CELF4: variants seen among roughly 807,000 people sequenced by gnomAD.
CELF4 encodes CUG-BP- and ETR-3-like factor 4.
Under a neutral mutation model 59.9 loss-of-function variants are expected in CELF4, and 18 were observed. The observed-to-expected ratio is 0.30, with a 90% CI of 0.21 to 0.45. The LOEUF is 0.45. Among genes scored for constraint, CELF4 ranks in the 20% least tolerant of loss-of-function variants. The pLI is 1.00. For missense variants in CELF4, 456 were observed against 689.0 expected, an observed-to-expected ratio of 0.66 and a Z score of 3.79; for synonymous variants, 261 against 267.1, an observed-to-expected ratio of 0.98 and a Z score of 0.22.
At chr18:37,529,667 C>T (rs539328565) in intron 1 of CELF4, among the ~76,000 whole-genome samples, 1 of 152,270 alleles carries the variant, frequency 6.6e-6, no homozygotes, top group Non-Finnish European at 1.5e-5. Flanking sequence ...GACTTCTAGA[C>T]AAGCCAGGGA....
chr18:37,448,915 G>A (rs1469849631), intron 2 of CELF4, among the ~76,000 whole-genome samples: 2 of 152,190 alleles, frequency 1.3e-5, no homozygotes, highest in South Asian at 2.1e-4. Context: ...CTGGCCAGGC[G>A]CAGACACAGA....
intron 1 of CELF4, among the ~76,000 whole-genome samples, chr18:37,553,561 G>T (rs148754662): frequency 1.3e-5 from 2 of 152,164 alleles, no homozygotes; most frequent in Non-Finnish European, 2.9e-5. Context: ...ACACTAAATC[G>T]TAGACTGTAA....
intron 2 of CELF4, among the ~76,000 whole-genome samples, chr18:37,360,443 G>C (rs895566203): frequency 5.3e-5 from 8 of 152,186 alleles, no homozygotes; most frequent in Non-Finnish European, 1.0e-4. Flanking sequence ...CCCCTGAGTG[G>C]GGGGATCCCC....
intron 10 of CELF4, among the ~76,000 whole-genome samples, chr18:37,263,749 C>T (rs1161669572): frequency 6.6e-6 from 1 of 152,070 alleles, no homozygotes; most frequent in African/African-American, 2.4e-5. Flanking sequence ...ACACAGCTTT[C>T]CAGGATCACC....
chr18:37,341,731 A>C (rs2098047938), intron 2 of CELF4, among the ~76,000 whole-genome samples: 1 of 152,116 alleles, frequency 6.6e-6, no homozygotes, highest in South Asian at 2.1e-4. Flanking sequence ...GTGACCACTT[A>C]GGTTCCTTTT....
intron 2 of CELF4, among the ~76,000 whole-genome samples, chr18:37,378,714 G>A (rs183086681): frequency 2.0e-4 from 31 of 152,296 alleles, no homozygotes; most frequent in Non-Finnish European, 4.3e-4. Flanking sequence ...ACAAATGCTG[G>A]GAAAGCCGGT....
intron 1 of CELF4, among the ~76,000 whole-genome samples, chr18:37,511,158 T>G (rs2099943874): frequency 6.6e-6 from 1 of 152,140 alleles, no homozygotes; most frequent in South Asian, 2.1e-4. Context: ...CTCCCTTCCT[T>G]AAAATCCTTG....
intron 2 of CELF4, among the ~76,000 whole-genome samples, chr18:37,393,685 C>T (rs776171025): frequency 5.9e-5 from 9 of 152,142 alleles, no homozygotes; most frequent in Non-Finnish European, 1.3e-4. Flanking sequence ...ACTTGGTGCT[C>T]CAGCCCCGGT....
intron 3 of CELF4, among the ~76,000 whole-genome samples, chr18:37,298,122 G>A (rs2095778078): frequency 2.0e-5 from 3 of 152,250 alleles, no homozygotes; most frequent in Admixed American, 2.0e-4. Context: ...GAGAGGCCCA[G>A]GAGGCTGGGG....
intron 1 of CELF4, among the ~76,000 whole-genome samples, chr18:37,491,796 AG>A (rs1234917782): frequency 6.6e-6 from 1 of 152,182 alleles, no homozygotes; most frequent in Admixed American, 6.5e-5. Context: ...CCATGGTGCA[AG>A]GGGTACTGCT....
At chr18:37,333,605 G>C (rs2097644207) in intron 2 of CELF4, among the ~76,000 whole-genome samples, 1 of 152,028 alleles carries the variant, frequency 6.6e-6, no homozygotes, top group Non-Finnish European at 1.5e-5. Flanking sequence ...GATGCACCCT[G>C]AACTCAGGTT....
chr18:37,456,598 C>T (rs946891499), intron 2 of CELF4, among the ~76,000 whole-genome samples: 9 of 152,166 alleles, frequency 5.9e-5, no homozygotes, highest in African/African-American at 2.2e-4. Flanking sequence ...GCTTCTGCTG[C>T]CATCTTCTGA....
chr18:37,351,656 G>T (rs536701765), intron 2 of CELF4, among the ~76,000 whole-genome samples: 223 of 142,834 alleles, frequency 1.6e-3, no homozygotes, highest in African/African-American at 5.6e-3. Context: ...TATCGCCCAG[G>T]CTGGAGTGCA....
chr18:37,330,794 G>C (rs939279972), intron 2 of CELF4, among the ~76,000 whole-genome samples: 3 of 152,082 alleles, frequency 2.0e-5, no homozygotes, highest in African/African-American at 4.8e-5. Flanking sequence ...GGTCACCACC[G>C]GACAGTCTTG....
rs886840256 is a variant in CELF4, at chr18:37,245,264, T to C, written c.*45-67A>G. On this transcript the variant is annotated intron_variant, in intron 12 of 12. Coordinates refer to ENST00000420428, the MANE Select transcript of CELF4 (RefSeq NM_020180.4). This position sits in a 1 kb window ranked among gnomAD's most constrained non-coding sequence, Gnocchi z 4.1. ...AACACAAACAGCATCCAAACACCAA[T>C]AGGAACCTGCCTCAGGGGCTAGGAT... 3.3e-5 allele frequency: 5 copies of C among 151,744 alleles called. No homozygotes were observed. The highest frequency in any genetic ancestry group is 7.4e-5 in the Non-Finnish European group (5 of 67,972). The allele number at this position is 151,744 out of a possible 1,614,324, so 9.4% of individuals were successfully genotyped here.
At chr18:37,340,241 G>T (rs1043451684) in intron 2 of CELF4, among the ~76,000 whole-genome samples, 1 of 152,232 alleles carries the variant, frequency 6.6e-6, no homozygotes. Context: ...GAAATGCCAC[G>T]TTAAGTGAGA....
chr18:37,287,948 G>A (rs1004874834), intron 3 of CELF4, among the ~76,000 whole-genome samples: 1 of 152,206 alleles, frequency 6.6e-6, no homozygotes, highest in African/African-American at 2.4e-5. Context: ...GGATGCTTCT[G>A]AGGACTTCAG....
chr18:37,395,545 CT>C (rs1343605854), intron 2 of CELF4, among the ~76,000 whole-genome samples: 1 of 152,250 alleles, frequency 6.6e-6, no homozygotes, highest in Non-Finnish European at 1.5e-5. Context: ...ATCAGTAGTT[CT>C]CTCTGGGATC....
intron 3 of CELF4, among the ~76,000 whole-genome samples, chr18:37,306,842 G>A (rs1569553254): frequency 6.6e-6 from 1 of 152,200 alleles, no homozygotes; most frequent in South Asian, 2.1e-4. Flanking sequence ...TCCCCAACAC[G>A]GCTCTGACCT....
Sources: allele counts gnomAD v4.1 joint callset (sites outside exome capture counted in the v4.1 genomes callset), GRCh38; gene constraint gnomAD v4.1.1; non-coding constraint Gnocchi (gnomAD v3.1); transcripts MANE v1.5; gene names NCBI Gene and HGNC (gene_info 2026-07-23, HGNC 2026-07-21).